GCFC2: variants seen among roughly 807,000 people sequenced by gnomAD.
GCFC2 encodes intron Large complex component GCFC2.
GCFC2 carries 102 observed loss-of-function variants against 99.4 expected under a neutral mutation model. The observed-to-expected ratio is 1.03, with a 90% CI of 0.87 to 1.21. The LOEUF (loss-of-function observed/expected upper bound fraction) is 1.21, where lower values mean the gene tolerates loss of function less well. Ranked by LOEUF, GCFC2 falls within the 50% of genes most tolerant of loss-of-function variation. GCFC2 has a pLI of 0.00. For synonymous variants in GCFC2, 338 were observed against 316.8 expected, an observed-to-expected ratio of 1.07 and a Z score of -0.71; for missense variants, 973 against 920.9, an observed-to-expected ratio of 1.06 and a Z score of -0.73.
At chr2:75,703,073 T>G (rs906928301) in intron 2 of GCFC2, among the ~76,000 whole-genome samples, 1 of 152,174 alleles carries the variant, frequency 6.6e-6, no homozygotes. Flanking sequence ...ACAACAACTC[T>G]TAAGAGAGTC....
intron 6 of GCFC2, among the ~76,000 whole-genome samples, chr2:75,693,583 TA>T (rs1470226704): frequency 1.8e-4 from 27 of 151,850 alleles, no homozygotes; most frequent in African/African-American, 6.0e-4. Flanking sequence ...AAACAAAAAC[TA>T]AAAACAAAAA....
chr2:75,700,021 C>T (rs1167375844), intron 4 of GCFC2, among the ~76,000 whole-genome samples: 3 of 152,004 alleles, frequency 2.0e-5, no homozygotes, highest in Non-Finnish European at 2.9e-5. Flanking sequence ...CCACTTCAGC[C>T]CCCCAAGCAG....
chr2:75,670,497 C>G (rs886927691), intron 14 of GCFC2: 5 of 403,588 alleles, frequency 1.2e-5, no homozygotes, highest in Non-Finnish European at 1.8e-5. Flanking sequence ...CTAGGATAAC[C>G]ATCCCCAAAT....
intron 11 of GCFC2, among the ~76,000 whole-genome samples, chr2:75,681,247 C>A (rs1679562699): frequency 6.6e-6 from 1 of 152,114 alleles, no homozygotes; most frequent in African/African-American, 2.4e-5. Flanking sequence ...TCTCATTGGG[C>A]CTGGTTGGAC....
intron 9 of GCFC2, among the ~76,000 whole-genome samples, 156 bp from the exon 10 acceptor site, chr2:75,689,381 A>G: frequency 6.6e-6 from 1 of 152,118 alleles, no homozygotes; most frequent in East Asian, 1.9e-4. Context: ...CAACAAAGTA[A>G]TAATATCAAC....
Position 75,696,313 on chromosome 2 carries a change from T to G in GCFC2, c.720A>C (p.Glu240Asp), listed in dbSNP as rs367705553. Residue 240 changes from glutamate (E) to aspartate (D), a missense_variant and splice_region_variant, in exon 5 of 17, where the codon GAA becomes GAC. Physicochemically the swap from Glu to Asp is conservative, Grantham distance 45 (BLOSUM62 2). Transcript: ENST00000321027. ...TGCCACAGGAAAGATCTATGTCTCTTTCCTAAAAAAGTAAAAATAGATTTT... is the reference window on the plus strand; with the variant it reads ...TGCCACAGGAAAGATCTATGTCTCTGTCCTAAAAAAGTAAAAATAGATTTT... ...QMRKAVKIIE[E>D]RDIDLSCGNG... The G allele has an allele frequency of 6.5e-6, 8 of 1,228,524 alleles. No homozygotes were observed. Among genetic ancestry groups the G allele is most frequent in the Non-Finnish European group, 8.4e-6 (7 of 837,232 alleles). 76.1% of individuals were successfully genotyped at this position (1,228,524 alleles called of 1,614,324 possible).
intron 11 of GCFC2, among the ~76,000 whole-genome samples, chr2:75,680,519 A>G (rs980343154): frequency 6.6e-6 from 1 of 152,144 alleles, no homozygotes; most frequent in African/African-American, 2.4e-5. Context: ...GCTAAACTAC[A>G]GCTCTTTATA....
chr2:75,696,778 T>C (rs575160120), intron 4 of GCFC2, among the ~76,000 whole-genome samples: 14 of 152,244 alleles, frequency 9.2e-5, no homozygotes, highest in African/African-American at 2.9e-4. Context: ...TTTACTTTTC[T>C]TTAAGACATT....
chr2:75,704,843 T>C (rs913117023), intron 2 of GCFC2, among the ~76,000 whole-genome samples: 1 of 152,228 alleles, frequency 6.6e-6, no homozygotes. Context: ...GCCTGGCTAA[T>C]TTTTACATTT....
intron 10 of GCFC2, among the ~76,000 whole-genome samples, 161 bp downstream of exon 10, chr2:75,688,862 AAAG>A (rs1679929309): frequency 6.6e-6 from 1 of 152,218 alleles, no homozygotes; most frequent in Non-Finnish European, 1.5e-5. Context: ...ACAGCCAAGA[AAAG>A]AAGAATGTAG....
At chr2:75,697,910 T>C (rs1003612877) in intron 4 of GCFC2, 1 of 152,236 alleles carries the variant, frequency 6.6e-6, no homozygotes, top group African/African-American at 2.4e-5. Context: ...CTACAGAGTT[T>C]CTGGAAAGGG....
At chr2:75,709,823 A>G (rs1209794370) in intron 1 of GCFC2, among the ~76,000 whole-genome samples, 1 of 152,226 alleles carries the variant, frequency 6.6e-6, no homozygotes, top group Non-Finnish European at 1.5e-5. Context: ...TTACTTCTCA[A>G]TAAATTAATA....
upstream of GCFC2, chr2:75,710,952 C>G (rs1277827241): frequency 7.3e-7 from 1 of 1,368,404 alleles, no homozygotes. Flanking sequence ...CGCGCCTGGC[C>G]GCCGAGTGCG....
At chr2:75,674,981 T>C (rs1255594752) in intron 12 of GCFC2, among the ~76,000 whole-genome samples, 3 of 152,214 alleles carry the variant, frequency 2.0e-5, no homozygotes. Flanking sequence ...TCTGAGTTTA[T>C]GTAACTTACT....
At chr2:75,673,589 T>C in intron 12 of GCFC2, 69 bp from the exon 13 acceptor site, 4 of 713,570 alleles carry the variant, frequency 5.6e-6, no homozygotes, top group South Asian at 4.6e-5. Context: ...AAAAAGTAAT[T>C]TTAACTGCAG....
In GCFC2 at chr2:75,706,622, C is replaced by A; in HGVS notation, c.295G>T (p.Glu99Ter). Residue 99 changes from glutamate to a stop codon, truncating the protein, a stop_gained, in exon 2 of 17, where the codon GAA (glutamate) becomes TAA (stop). Coordinates refer to ENST00000321027, the MANE Select transcript of GCFC2 (RefSeq NM_003203.5). LOFTEE classifies it high-confidence loss of function. Reference sequence around the variant, plus strand: ...GAGGAGTGATGTATTTTATCCTCTTCATCTGTGGACACATCAAGGGTTCTG... The same window carrying A: ...GAGGAGTGATGTATTTTATCCTCTTAATCTGTGGACACATCAAGGGTTCTG... Reference protein sequence around the residue: ...ESRTLDVSTDEEDKIHHSSES... With the variant: ...ESRTLDVSTD The A allele has an allele frequency of 1.3e-6, 2 of 1,591,912 alleles. No individual in the cohort carries two copies. Among genetic ancestry groups the A allele is most frequent in the Non-Finnish European group, 1.7e-6 (2 of 1,160,856 alleles).
intron 1 of GCFC2, among the ~76,000 whole-genome samples, chr2:75,709,347 T>C (rs75150671): frequency 0.075 from 11,388 of 152,042 alleles, 1,379 homozygotes; most frequent in African/African-American, 0.26. Flanking sequence ...AAAACAAATA[T>C]AAAAGGTCAT....
At chr2:75,705,616 C>CA (rs34447327) in intron 2 of GCFC2, among the ~76,000 whole-genome samples, 48,667 of 84,192 alleles carry the variant, frequency 0.58, 15,383 homozygotes, top group East Asian at 0.76. Context: ...GACTCCATCT[C>CA]AAAAAAAAAA....
In GCFC2 at chr2:75,664,692, G is replaced by A; in HGVS notation, c.2320C>T (p.Leu774Phe). Residue 774 changes from leucine to phenylalanine, a missense_variant, in exon 17 of 17, where the codon CTT (leucine) becomes TTT (phenylalanine). Physicochemically the swap from Leu to Phe is conservative, Grantham distance 22. Transcript: ENST00000321027. The part of the protein sequence containing the change: ...SFIGEHHLDH[L>F]KSLIKED ...CAATCTTCTTTAATTAGTGATTTAA[G>A]ATGGTCTAGGTGATGCTCTCCTATG... The A allele has an allele frequency of 3.4e-6, 5 of 1,480,456 alleles. No individual in the cohort carries two copies. Among genetic ancestry groups the A allele is most frequent in the Non-Finnish European group, 4.7e-6 (5 of 1,063,538 alleles). 91.7% of individuals were successfully genotyped at this position (1,480,456 alleles called of 1,614,324 possible). A position where few individuals can be genotyped will look rare whatever the true frequency, so the allele number is the denominator to read the frequency against.
Sources: allele counts gnomAD v4.1 joint callset (sites outside exome capture counted in the v4.1 genomes callset), GRCh38; gene constraint gnomAD v4.1.1; transcripts MANE v1.5; gene names NCBI Gene and HGNC (gene_info 2026-07-23, HGNC 2026-07-21).